CCSER1: variants seen among roughly 807,000 people sequenced by gnomAD.
CCSER1 encodes the protein coiled-coil serine rich protein 1.
CCSER1 carries 41 observed loss-of-function variants against 82.0 expected under a neutral mutation model. That is an observed-to-expected ratio of 0.50 (90% CI 0.39 to 0.65). The LOEUF is 0.65. Among genes scored for constraint, CCSER1 ranks in the 30% least tolerant of loss-of-function variants. The pLI, the probability that CCSER1 is intolerant of heterozygous loss-of-function variation, is 0.00. For missense variants in CCSER1, 1,119 were observed against 1,064.2 expected (o/e 1.05, Z -0.72); for synonymous variants, 414 against 383.9 (o/e 1.08, Z -0.92).
At chr4:91,508,956 C>G (rs946115216) in intron 10 of CCSER1, among the ~76,000 whole-genome samples, 4 of 151,860 alleles carry the variant, frequency 2.6e-5, no homozygotes, top group Non-Finnish European at 5.9e-5. Flanking sequence ...CCCTTTTTCA[C>G]TTATGATTTT....
intron 1 of CCSER1, among the ~76,000 whole-genome samples, chr4:90,142,086 T>C (rs1278263455): frequency 6.6e-5 from 10 of 152,188 alleles, no homozygotes; most frequent in Middle Eastern, 3.2e-3. Flanking sequence ...TGCCTTCCTA[T>C]TCCAAAACTA....
chr4:91,534,185 T>C (rs890179805), intron 10 of CCSER1, among the ~76,000 whole-genome samples: 2 of 152,048 alleles, frequency 1.3e-5, no homozygotes, highest in Non-Finnish European at 1.5e-5. Flanking sequence ...CCACTACTAT[T>C]GGCCTATTTA....
intron 5 of CCSER1, among the ~76,000 whole-genome samples, chr4:90,618,562 G>A (rs1056380542): frequency 1.3e-5 from 2 of 151,788 alleles, no homozygotes; most frequent in Non-Finnish European, 2.9e-5. Flanking sequence ...TAATGAAATA[G>A]GCTCGATTTT....
chr4:91,450,902 A>T (rs1578490239), intron 10 of CCSER1, among the ~76,000 whole-genome samples: 1 of 151,958 alleles, frequency 6.6e-6, no homozygotes, highest in Non-Finnish European at 1.5e-5. Context: ...ATGGGAAAAA[A>T]GTTGTAATAC....
At chr4:90,491,164 T>C (rs1767951769) in intron 5 of CCSER1, among the ~76,000 whole-genome samples, 1 of 105,238 alleles carries the variant, frequency 9.5e-6, no homozygotes, top group Admixed American at 8.1e-5. Context: ...TATGGAATGT[T>C]CTTCCATTTT....
intron 10 of CCSER1, among the ~76,000 whole-genome samples, chr4:91,214,473 A>ATAT (rs1206227603): frequency 1.1e-4 from 17 of 152,158 alleles, no homozygotes; most frequent in Non-Finnish European, 2.4e-4. Flanking sequence ...TTAGTCTGTT[A>ATAT]TATTATCTTG....
intron 10 of CCSER1, among the ~76,000 whole-genome samples, chr4:91,187,059 A>G (rs1303127663): frequency 6.6e-6 from 1 of 152,226 alleles, no homozygotes; most frequent in Non-Finnish European, 1.5e-5. Flanking sequence ...AGCATCTGTC[A>G]CAGCTTCCCT....
At chr4:91,107,635 T>C (rs1725743802) in intron 10 of CCSER1, among the ~76,000 whole-genome samples, 1 of 127,576 alleles carries the variant, frequency 7.8e-6, no homozygotes, top group African/African-American at 2.9e-5. Context: ...CATTTTCTTT[T>C]TCTCTTTTTT....
chr4:90,136,941 T>G (rs983963121), intron 1 of CCSER1, among the ~76,000 whole-genome samples: 3 of 152,206 alleles, frequency 2.0e-5, no homozygotes, highest in African/African-American at 7.2e-5. Context: ...TAAGAATAAC[T>G]TATTTCAGGT....
intron 9 of CCSER1, among the ~76,000 whole-genome samples, chr4:90,938,319 T>C (rs41342448): frequency 0.052 from 7,923 of 152,162 alleles, 235 homozygotes; most frequent in South Asian, 0.079. Context: ...TTTAATTTTC[T>C]TGCAGTTTTC....
At chr4:91,202,016 A>T (rs995051757) in intron 10 of CCSER1, among the ~76,000 whole-genome samples, 1 of 151,986 alleles carries the variant, frequency 6.6e-6, no homozygotes, top group Non-Finnish European at 1.5e-5. Flanking sequence ...GTTCATCAGG[A>T]CACAGTTCCA....
intron 6 of CCSER1, among the ~76,000 whole-genome samples, chr4:90,634,093 T>C (rs912625819): frequency 1.3e-5 from 2 of 151,776 alleles, no homozygotes; most frequent in Non-Finnish European, 3.0e-5. Flanking sequence ...AAATGTTTAA[T>C]ATCTACAGAG....
intron 8 of CCSER1, among the ~76,000 whole-genome samples, chr4:90,872,984 C>T (rs975266935): frequency 4.9e-4 from 75 of 152,030 alleles, no homozygotes; most frequent in African/African-American, 1.7e-3. Flanking sequence ...TTTTCCCTTG[C>T]TGCTTTTAGG....
chr4:91,048,671 A>T (rs1403521725), intron 9 of CCSER1, among the ~76,000 whole-genome samples: 3 of 152,144 alleles, frequency 2.0e-5, no homozygotes, highest in Non-Finnish European at 4.4e-5. Flanking sequence ...TCCTTCACTC[A>T]TGATCGGCAT....
At chr4:90,460,960 A>G (rs1226941233) in intron 4 of CCSER1, among the ~76,000 whole-genome samples, 2 of 145,548 alleles carry the variant, frequency 1.4e-5, no homozygotes, top group African/African-American at 4.9e-5. Context: ...TCAAATAATA[A>G]GAAGCCCTCA....
At chr4:91,162,808 G>C (rs893864598) in intron 10 of CCSER1, among the ~76,000 whole-genome samples, 6 of 152,028 alleles carry the variant, frequency 3.9e-5, no homozygotes, top group South Asian at 2.1e-4. Context: ...GTGTCTATTT[G>C]ATTATTCTCT....
intron 6 of CCSER1, among the ~76,000 whole-genome samples, chr4:90,693,877 GAGAA>G (rs1290413409): frequency 3.3e-5 from 5 of 151,260 alleles, no homozygotes; most frequent in Admixed American, 1.3e-4. Flanking sequence ...AGAAGAAAGA[GAGAA>G]AGAAAGAAGA....
Position 90,308,907 on chromosome 4 carries a change from A to G in CCSER1, c.623A>G (p.Glu208Gly), listed in dbSNP as rs1340308880. 6.2e-6 allele frequency: 10 copies of G among 1,613,918 alleles called. No individual in the cohort carries two copies. The highest frequency in any genetic ancestry group is 1.3e-5 in the African/African-American group (1 of 75,060). ...TCCATTTCATTGGTACAACAGTCTG[A>G]ATTCTCATTGGAAGTTACACAGTAC... ...SQSISLVQQS[E>G]FSLEVTQYQE... Residue 208 changes from glutamate to glycine, a missense_variant, in exon 2 of 11, where the codon GAA becomes GGA. By Grantham distance (98) the Glu-to-Gly change is moderately conservative. Transcript: ENST00000509176.
intron 8 of CCSER1, among the ~76,000 whole-genome samples, chr4:90,832,976 G>A (rs1001945229): frequency 2.0e-5 from 3 of 152,156 alleles, no homozygotes; most frequent in African/African-American, 7.2e-5. Context: ...TAAGCAATTG[G>A]TGTTACTTTA....
Sources: gnomAD v4.1 joint callset for allele counts (sites outside exome capture counted in the v4.1 genomes callset) on GRCh38, gnomAD v4.1.1 for gene constraint, MANE v1.5 for transcripts, NCBI Gene and HGNC (gene_info 2026-07-23, HGNC 2026-07-21) for gene names.